The following ARHGAP24 variants were observed in gnomAD, a reference collection of about 807,000 sequenced individuals.
ARHGAP24 encodes the protein Rho GTPase activating protein 24, also known as rho GTPase-activating protein 24.
ARHGAP24 carries 50 observed loss-of-function variants against 76.4 expected under a neutral mutation model. The observed-to-expected ratio is 0.65, with a 90% CI of 0.52 to 0.83. The LOEUF is 0.83. Ranked by LOEUF, ARHGAP24 falls within the 40% of genes least tolerant of loss-of-function variation. The pLI, the probability that ARHGAP24 is intolerant of heterozygous loss-of-function variation, is 0.00. For missense variants in ARHGAP24, 930 were observed against 914.2 expected (o/e 1.02, Z -0.22); for synonymous variants, 345 against 323.3 (o/e 1.07, Z -0.72).
chr4:85,894,817 T>C (rs946271982), intron 3 of ARHGAP24, among the ~76,000 whole-genome samples: 4 of 151,204 alleles, frequency 2.6e-5, no homozygotes, highest in African/African-American at 9.7e-5. Context: ...CACAATTAGC[T>C]GGGCGTGGAG....
intron 2 of ARHGAP24, among the ~76,000 whole-genome samples, chr4:85,633,071 A>G (rs1274911139): frequency 6.6e-6 from 1 of 151,862 alleles, no homozygotes; most frequent in African/African-American, 2.4e-5. Flanking sequence ...CCTGGCTATT[A>G]AAATGCTTGG....
At chr4:85,663,887 T>A (rs932931795) in intron 2 of ARHGAP24, among the ~76,000 whole-genome samples, 53 of 151,592 alleles carry the variant, frequency 3.5e-4, no homozygotes, top group Non-Finnish European at 7.1e-4. Flanking sequence ...TCATGGTGGA[T>A]AAGCTTTTTG....
At chr4:85,996,503 GGTT>G (rs1335639733) in intron 9 of ARHGAP24, among the ~76,000 whole-genome samples, 1 of 152,062 alleles carries the variant, frequency 6.6e-6, no homozygotes, top group Non-Finnish European at 1.5e-5. Context: ...ATCCTCAGTT[GGTT>G]GTTAAGTTGG....
intron 2 of ARHGAP24, among the ~76,000 whole-genome samples, chr4:85,679,104 C>T (rs1723104950): frequency 6.6e-6 from 1 of 152,106 alleles, no homozygotes; most frequent in African/African-American, 2.4e-5. Context: ...GAGCTTAGAG[C>T]ATGGCAAGAC....
intron 2 of ARHGAP24, among the ~76,000 whole-genome samples, chr4:85,592,029 C>G (rs535466806): frequency 6.6e-6 from 1 of 152,284 alleles, no homozygotes; most frequent in African/African-American, 2.4e-5. Context: ...GCTCTATAAT[C>G]TGACCCGTGA....
intron 3 of ARHGAP24, among the ~76,000 whole-genome samples, chr4:85,746,593 T>G (rs1205378302): frequency 2.6e-5 from 4 of 152,204 alleles, no homozygotes. Context: ...CATGTATCTT[T>G]TAACCACACG....
intron 3 of ARHGAP24, among the ~76,000 whole-genome samples, chr4:85,735,251 T>C (rs534236387): frequency 3.3e-5 from 5 of 152,264 alleles, no homozygotes; most frequent in Non-Finnish European, 7.4e-5. Context: ...TGCTATTAGT[T>C]CTCTGAGTTT....
At chr4:85,737,686 C>T (rs1725655101) in intron 3 of ARHGAP24, among the ~76,000 whole-genome samples, 1 of 152,166 alleles carries the variant, frequency 6.6e-6, no homozygotes, top group Admixed American at 6.5e-5. Flanking sequence ...ACTTTCATGA[C>T]ATTTGCAAAT....
chr4:85,579,048 T>C (rs1727501427), intron 2 of ARHGAP24, among the ~76,000 whole-genome samples: 1 of 152,212 alleles, frequency 6.6e-6, no homozygotes, highest in Non-Finnish European at 1.5e-5. Context: ...ACATTACTTT[T>C]CTGGGCTCCT....
chr4:85,642,955 T>G (rs999071201), intron 2 of ARHGAP24, among the ~76,000 whole-genome samples: 6 of 152,122 alleles, frequency 3.9e-5, no homozygotes, highest in Admixed American at 2.6e-4. Context: ...GGCTCCTGTG[T>G]CTCCGCCCCT....
intron 4 of ARHGAP24, among the ~76,000 whole-genome samples, chr4:85,928,909 A>C (rs1022881169): frequency 6.6e-6 from 1 of 152,212 alleles, no homozygotes; most frequent in Admixed American, 6.5e-5. Flanking sequence ...TAATCCTTAC[A>C]ATGAGTAATT....
rs544828640 is a variant in ARHGAP24, at chr4:85,709,418, T to C, written c.181-12467T>C. ...TAAAATGTAACACCCATTCCTGATA[T>C]TAAAATGAAAACAAAACAATTCTTA... On this transcript the variant is annotated intron_variant, in intron 2 of 9. Transcript: ENST00000395184. Among the ~76,000 whole-genome samples the C allele has an allele frequency of 2.1e-3, 319 of 152,158 alleles. 2 individuals carry two copies. The highest frequency in any genetic ancestry group is 6.8e-3 in the Middle Eastern group (2 of 294).
At chr4:85,504,295 C>A (rs1004269732) in intron 1 of ARHGAP24, among the ~76,000 whole-genome samples, 1 of 152,180 alleles carries the variant, frequency 6.6e-6, no homozygotes, top group Non-Finnish European at 1.5e-5. Flanking sequence ...TCTCATTGAT[C>A]TGTCTAATAT....
At chr4:85,782,982 GTTAC>G (rs1238986443) in intron 3 of ARHGAP24, among the ~76,000 whole-genome samples, 16 of 152,068 alleles carry the variant, frequency 1.1e-4, no homozygotes, top group African/African-American at 3.6e-4. Flanking sequence ...TGGAGTATTT[GTTAC>G]TTAGTATACT....
At chr4:85,757,011 A>G (rs915235508) in intron 3 of ARHGAP24, among the ~76,000 whole-genome samples, 2 of 152,162 alleles carry the variant, frequency 1.3e-5, no homozygotes, top group Non-Finnish European at 2.9e-5. Context: ...TTTTCTGACC[A>G]GAGTAGCACA....
At chr4:85,676,089 TC>T (rs1214774113) in intron 2 of ARHGAP24, among the ~76,000 whole-genome samples, 1 of 152,228 alleles carries the variant, frequency 6.6e-6, no homozygotes, top group East Asian at 1.9e-4. Flanking sequence ...TGGTAAGTTT[TC>T]ATTGCATAAT....
At chr4:85,942,635 G>C (rs774668712) in intron 5 of ARHGAP24, among the ~76,000 whole-genome samples, 1 of 152,054 alleles carries the variant, frequency 6.6e-6, no homozygotes, top group Non-Finnish European at 1.5e-5. Context: ...ATTATGAGTA[G>C]AGATTGAAAT....
At chr4:85,808,615 T>G (rs1433244431) in intron 3 of ARHGAP24, among the ~76,000 whole-genome samples, 3 of 152,056 alleles carry the variant, frequency 2.0e-5, no homozygotes, top group Non-Finnish European at 4.4e-5. Context: ...ACTCTTAATA[T>G]TGTATTCCAA....
chr4:85,537,549 G>A, intron 1 of ARHGAP24, among the ~76,000 whole-genome samples: 1 of 152,012 alleles, frequency 6.6e-6, no homozygotes, highest in Non-Finnish European at 1.5e-5. Flanking sequence ...AATTTTCCTA[G>A]GGTAAGGTAT....
Sources: allele counts gnomAD v4.1 joint callset (sites outside exome capture counted in the v4.1 genomes callset), GRCh38; gene constraint gnomAD v4.1.1; transcripts MANE v1.5; gene names NCBI Gene and HGNC (gene_info 2026-07-23, HGNC 2026-07-21).